GOLGA4: variants seen among roughly 807,000 people sequenced by gnomAD.
GOLGA4 encodes the protein golgin A4.
GOLGA4 carries 169 observed loss-of-function variants against 265.9 expected under a neutral mutation model. The ratio of observed to expected loss-of-function variants is 0.64; its 90% CI spans 0.56 to 0.72. The LOEUF is 0.72. Ranked by LOEUF, GOLGA4 falls within the 30% of genes least tolerant of loss-of-function variation. The probability of loss-of-function intolerance (pLI) is 0.00; values close to 1 mark genes in which losing one functional copy is unlikely to be tolerated. For synonymous variants in GOLGA4, 923 were observed against 855.8 expected (o/e 1.08, Z -1.37); for missense variants, 2,482 against 2,483.4 (o/e 1.00, Z 0.01).
At position 37,340,131 on chromosome 3, in the gene GOLGA4, A is replaced by G. The variant is rs1355214122; in HGVS notation, c.6404A>G (p.Asn2135Ser). The part of the protein sequence containing the change: ...KEQEFREQIH[N>S]LEDRLKKYEK... ...ATTATTTGTTATTTTTAGATTCACA[A>G]TTTAGAAGACCGTTTGAAGAAATAT... Residue 2135 changes from asparagine to serine, a missense_variant, in exon 20 of 24, where the codon AAT becomes AGT. Asn to Ser is a conservative substitution (Grantham distance 46). Coordinates refer to ENST00000361924, the MANE Select transcript of GOLGA4 (RefSeq NM_002078.5). 1.5e-6 allele frequency: 2 copies of G among 1,291,508 alleles called. No individual in the cohort carries two copies. The highest frequency in any genetic ancestry group is 2.2e-6 in the Non-Finnish European group (2 of 899,522). 80.0% of individuals were successfully genotyped at this position (1,291,508 alleles called of 1,614,324 possible). A position where few individuals can be genotyped will look rare whatever the true frequency, so the allele number is the denominator to read the frequency against.
At chr3:37,275,752 C>T (rs547974001) in intron 2 of GOLGA4, 17 of 1,613,076 alleles carry the variant, frequency 1.1e-5, no homozygotes, top group South Asian at 9.9e-5. Context: ...AGAAGAAGAA[C>T]GCGGCTGGAG....
Position 37,281,950 on chromosome 3 carries a change from G to C in GOLGA4, c.163-8G>C, listed in dbSNP as rs745668674. 2 of 1,600,538 alleles carry C rather than the reference G, an allele frequency of 1.2e-6. No individual in the cohort carries two copies. The highest frequency in any genetic ancestry group is 1.7e-6 in the Non-Finnish European group (2 of 1,170,466). ...TAATCCACACATTCTGTTGGGTTTT[G>C]GTTGCAGTCAGGTGACACACAGTCT... On this transcript the variant is annotated splice_polypyrimidine_tract_variant and splice_region_variant and intron_variant, in intron 2 of 23. Transcript: ENST00000361924.
At position 37,295,007 on chromosome 3, in the gene GOLGA4, A is replaced by G. The variant is rs1294365237; in HGVS notation, c.611A>G (p.Lys204Arg). The G allele has an allele frequency of 6.2e-7, 1 of 1,610,630 alleles. No homozygotes were observed. Among genetic ancestry groups the G allele is most frequent in the Non-Finnish European group, 8.5e-7 (1 of 1,177,754 alleles). The change falls in exon 6 of 24, where the codon AAA becomes AGA. Residue 204 changes from lysine (K) to arginine (R), a missense_variant. Coordinates refer to ENST00000361924, the MANE Select transcript of GOLGA4 (RefSeq NM_002078.5). ...CTCCAAATGGACCAGCAGGCAAAGA[A>G]ACATCTGCAAGAGGAGTTTGATGCA... ...EELQMDQQAKKHLQEEFDASL... is the reference protein window; with the variant it reads ...EELQMDQQAKRHLQEEFDASL...
chr3:37,320,887 A>G (rs1241808880), intron 12 of GOLGA4, among the ~76,000 whole-genome samples: 1 of 152,144 alleles, frequency 6.6e-6, no homozygotes, highest in Admixed American at 6.6e-5. Context: ...ATTAAATAAT[A>G]TAGTATATTT....
intron 10 of GOLGA4, among the ~76,000 whole-genome samples, chr3:37,306,131 G>A (rs2150889091): frequency 6.6e-6 from 1 of 152,288 alleles, no homozygotes; most frequent in African/African-American, 2.4e-5. Context: ...ACCGATTTCA[G>A]GATGGTGTAT....
In GOLGA4 at chr3:37,271,234, T is replaced by G. The variant is rs80086513; in HGVS notation, c.163-10724T>G. ...TTGATACTGGACTGTGGCCCAGAGATTTGTGACCCTTGCTTTATAGTATGT... is the reference window on the plus strand; with the variant it reads ...TTGATACTGGACTGTGGCCCAGAGAGTTGTGACCCTTGCTTTATAGTATGT... On this transcript the variant is annotated intron_variant, in intron 2 of 23. Transcript: ENST00000361924. 9.1e-3 allele frequency among the ~76,000 whole-genome samples: 1,382 copies of G among 152,214 alleles called. 28 individuals carry two copies. Among genetic ancestry groups the G allele is most frequent in the African/African-American group, 0.032 (1,316 of 41,538 alleles).
intron 2 of GOLGA4, among the ~76,000 whole-genome samples, chr3:37,274,437 A>T (rs1381704552): frequency 6.6e-6 from 1 of 152,172 alleles, no homozygotes; most frequent in Non-Finnish European, 1.5e-5. Context: ...CATGCCTGTT[A>T]TCCCAGCACT....
chr3:37,352,989 C>G (rs990565122), intron 21 of GOLGA4, among the ~76,000 whole-genome samples: 1 of 152,048 alleles, frequency 6.6e-6, no homozygotes, highest in Admixed American at 6.6e-5. Flanking sequence ...TGCATACTTA[C>G]AGACCATTGT....
chr3:37,325,694 A>T lies in GOLGA4; in HGVS notation c.3808A>T (p.Thr1270Ser). Residue 1270 changes from threonine to serine, a missense_variant, in exon 14 of 24, where the codon ACA (threonine) becomes TCA (serine). Around this residue, in one of 3 missense-constraint regions of GOLGA4, gnomAD observed 1,536 missense variants for 1,483.7 expected, o/e 1.04. Transcript: ENST00000361924. ...VKEALLIKTC[T>S]VSELEAQLRQ... ...GGAGGCACTGTTAATTAAAACTTGC[A>T]CAGTTTCTGAATTAGAAGCACAACT... The T allele has an allele frequency of 1.2e-6, 2 of 1,613,676 alleles. No individual in the cohort carries two copies. Among genetic ancestry groups the T allele is most frequent in the Non-Finnish European group, 1.7e-6 (2 of 1,179,560 alleles).
chr3:37,365,727 T>C (rs533785534), intron 23 of GOLGA4, among the ~76,000 whole-genome samples: 1 of 152,316 alleles, frequency 6.6e-6, no homozygotes, highest in East Asian at 1.9e-4. Flanking sequence ...TGACTATAGG[T>C]TGGTTTGCAT....
chr3:37,288,939 C>T (rs748535516), intron 4 of GOLGA4, among the ~76,000 whole-genome samples: 6 of 152,122 alleles, frequency 3.9e-5, no homozygotes, highest in Admixed American at 2.6e-4. Context: ...TTAAATTGAA[C>T]AGACAGTAAA....
chr3:37,360,805 A>G (rs1696195314), intron 22 of GOLGA4, among the ~76,000 whole-genome samples: 2 of 152,196 alleles, frequency 1.3e-5, no homozygotes, highest in East Asian at 1.9e-4. Flanking sequence ...AATTCAACAT[A>G]TAGACACATG....
rs541146961 is a variant in GOLGA4 at position 37,341,861 on chromosome 3, T to A, written c.6472+1662T>A. 2.6e-5 allele frequency: 4 copies of A among 152,348 alleles called. No individual in the cohort carries two copies. In the South Asian group the frequency reaches 8.3e-4, roughly 32 times the overall value. 9.4% of individuals were successfully genotyped at this position (152,348 alleles called of 1,614,324 possible). ...ATATTTATGAACACATATATACAAT[T>A]TATTTAATAGCTAACTCATAATACT... On this transcript the variant is annotated intron_variant, in intron 20 of 23. Coordinates refer to ENST00000361924, the MANE Select transcript of GOLGA4 (RefSeq NM_002078.5).
At chr3:37,323,288 G>A (rs924946416) in intron 13 of GOLGA4, among the ~76,000 whole-genome samples, 1 of 151,830 alleles carries the variant, frequency 6.6e-6, no homozygotes, top group East Asian at 1.9e-4. Context: ...TACCATGCCC[G>A]GCTAATTTTT....
At chr3:37,362,780 C>G (rs75929434) in intron 23 of GOLGA4, among the ~76,000 whole-genome samples, 3 of 75,464 alleles carry the variant, frequency 4.0e-5, no homozygotes, top group African/African-American at 1.5e-4. Flanking sequence ...AGCCTCTAAG[C>G]TTTTTTTTTT....
chr3:37,363,726 T>C (rs915766978), intron 23 of GOLGA4, among the ~76,000 whole-genome samples: 4 of 152,228 alleles, frequency 2.6e-5, no homozygotes, highest in Admixed American at 1.3e-4. Context: ...CTAATACTAA[T>C]ATATAGTACA....
At chr3:37,258,517 G>T (rs932493555) in intron 2 of GOLGA4, among the ~76,000 whole-genome samples, 14 of 151,722 alleles carry the variant, frequency 9.2e-5, no homozygotes, top group Non-Finnish European at 2.1e-4. Flanking sequence ...TAGTAGAGAT[G>T]AGGTTTCACC....
intron 5 of GOLGA4, among the ~76,000 whole-genome samples, chr3:37,292,557 G>T (rs1014141545): frequency 1.3e-5 from 2 of 152,014 alleles, no homozygotes; most frequent in Non-Finnish European, 2.9e-5. Context: ...GTGGTGGCAC[G>T]CACCTGTAGT....
intron 5 of GOLGA4, among the ~76,000 whole-genome samples, chr3:37,291,402 T>C (rs137979510): frequency 1.8e-4 from 28 of 152,334 alleles, no homozygotes; most frequent in African/African-American, 6.5e-4. Context: ...ACCCATGTGA[T>C]TGCCGGCTGT....
Sources: allele counts gnomAD v4.1 joint callset (sites outside exome capture counted in the v4.1 genomes callset), GRCh38; gene constraint gnomAD v4.1.1; regional missense constraint gnomAD v4.1.1; transcripts MANE v1.5; gene names NCBI Gene and HGNC (gene_info 2026-07-23, HGNC 2026-07-21).